Variants in COL6A5 observed in about 807,000 individuals in gnomAD.
The protein encoded by COL6A5 is collagen type VI alpha 5 chain.
Under a neutral mutation model 65.6 loss-of-function variants are expected in COL6A5, and 48 were observed. The ratio of observed to expected loss-of-function variants is 0.73; its 90% CI spans 0.58 to 0.93. The LOEUF is 0.93. Among genes scored for constraint, COL6A5 ranks in the 40% least tolerant of loss-of-function variants. The probability of loss-of-function intolerance (pLI) is 0.00; values close to 1 mark genes in which losing one functional copy is unlikely to be tolerated. For missense variants in COL6A5, 914 were observed against 928.3 expected, an observed-to-expected ratio of 0.98 and a Z score of 0.20; for synonymous variants, 291 against 322.8, an observed-to-expected ratio of 0.90 and a Z score of 1.05.
At position 130,450,363 on chromosome 3, in the gene COL6A5, G is replaced by A. The variant is rs369011483; in HGVS notation, c.1333-5092G>A. Among the ~76,000 whole-genome samples the A allele has an allele frequency of 5.5e-4, 84 of 152,292 alleles. 1 individual carries two copies. The South Asian group carries it at 0.017, about 30-fold the overall frequency. ...GTAGGAGCAGCATTTGGCCATGTGT[G>A]TTGAGCCGGCTTGGCCGCTTGTAAG... On this transcript the variant is annotated intron_variant, in intron 4 of 7. Transcript: ENST00000512836.
Position 130,477,153 on chromosome 3 carries a change from A to G in COL6A5, c.2328+6186A>G. The G allele has an allele frequency of 2.6e-6, 3 of 1,167,586 alleles. No homozygotes were observed. In the South Asian group the frequency reaches 4.0e-5, roughly 16 times the overall value. The allele number at this position is 1,167,586 out of a possible 1,614,324, so 72.3% of individuals were successfully genotyped here. On this transcript the variant is annotated intron_variant, in intron 7 of 7. Coordinates refer to ENST00000512836, the Ensembl canonical transcript of COL6A5. ...TGTTTATAGAACGTAAGTTTACCTTAAAGTTAGGCCATGAAACAGAAATAA... is the reference window on the plus strand; with the variant it reads ...TGTTTATAGAACGTAAGTTTACCTTGAAGTTAGGCCATGAAACAGAAATAA...
chr3:130,350,773 C>G (rs1436608961), intron 1 of COL6A5, among the ~76,000 whole-genome samples: 1 of 152,178 alleles, frequency 6.6e-6, no homozygotes, highest in Non-Finnish European at 1.5e-5. Flanking sequence ...CCCCATCAAG[C>G]TACCAATGAC....
At chr3:130,421,325 G>T (rs771052007) in exon 27 of COL6A5, 9 of 1,550,636 alleles carry the variant, frequency 5.8e-6, no homozygotes, top group Non-Finnish European at 7.9e-6. Flanking sequence ...AAAATTATAG[G>T]GCCCAAGAGG....
At chr3:130,470,846 A>T in intron 6 of COL6A5, 25 bp from the exon 39 acceptor site, 1 of 1,560,412 alleles carries the variant, frequency 6.4e-7, no homozygotes. Flanking sequence ...TAAAATTTAG[A>T]CTAACCAGCC....
At chr3:130,418,567 G>A (rs1345285436) in intron 24 of COL6A5, among the ~76,000 whole-genome samples, 1 of 152,074 alleles carries the variant, frequency 6.6e-6, no homozygotes. Flanking sequence ...AGTAATTGTT[G>A]GATAGGCAAA....
chr3:130,406,403 AG>A, intron 17 of COL6A5, 82 bp downstream of exon 17: 2 of 1,103,628 alleles, frequency 1.8e-6, no homozygotes, highest in Non-Finnish European at 2.7e-6. Flanking sequence ...CAGTGGTTAT[AG>A]GGGATAAAAT....
chr3:130,390,528 T>A (rs1443532760), intron 6 of COL6A5, among the ~76,000 whole-genome samples: 1 of 152,080 alleles, frequency 6.6e-6, no homozygotes, highest in East Asian at 1.9e-4. Context: ...GCCAAAACAG[T>A]CATTTGTCTT....
At chr3:130,426,673 A>G (rs1285726172), upstream of COL6A5, among the ~76,000 whole-genome samples, 1 of 152,154 alleles carries the variant, frequency 6.6e-6, no homozygotes, top group Non-Finnish European at 1.5e-5. Flanking sequence ...CCAAAAGATG[A>G]GTGAATTAAC....
At chr3:130,410,502 G>T in exon 20 of COL6A5, 1 of 1,550,976 alleles carries the variant, frequency 6.4e-7, no homozygotes, top group Non-Finnish European at 8.7e-7. Flanking sequence ...GTGCAAGGCA[G>T]TCCTAGTTCC....
chr3:130,395,284 C>A, exon 8 of COL6A5: 1 of 1,551,512 alleles, frequency 6.4e-7, no homozygotes, highest in Non-Finnish European at 8.7e-7. Flanking sequence ...CAGTAAAAAC[C>A]CTGAAGGACC....
Position 130,406,449 on chromosome 3 carries a change from T to C in COL6A5, c.4479+128T>C, listed in dbSNP as rs1936997397. On this transcript the variant is annotated intron_variant and NMD_transcript_variant, in intron 17 of 41. Coordinates refer to the COL6A5 transcript ENST00000312481. ...ACTTAACCACATAATGAAGGCCTAT[T>C]GCTACTGAATGTATGCTGCATATCT... is the stretch of plus-strand genomic sequence containing the variant. 7.3e-6 allele frequency: 5 copies of C among 687,382 alleles called. No homozygotes were observed. In the Admixed American group the frequency reaches 1.3e-4, roughly 18 times the overall value. 42.6% of individuals were successfully genotyped at this position (687,382 alleles called of 1,614,324 possible).
At position 130,401,030 on chromosome 3, in the gene COL6A5, G is replaced by A. The variant is rs781027655; in HGVS notation, c.3992-1G>A. ...TTTATATTGTGGTTTTTACCACATAGGACTTGATGCTCTGCTGGTAGTGTC... is the reference window on the plus strand; with the variant it reads ...TTTATATTGTGGTTTTTACCACATAAGACTTGATGCTCTGCTGGTAGTGTC... On this transcript the variant is annotated splice_acceptor_variant and NMD_transcript_variant, in intron 10 of 41. Transcript: ENST00000312481. 11 of 1,541,614 alleles carry A rather than the reference G, an allele frequency of 7.1e-6. No individual in the cohort carries two copies. The highest frequency in any genetic ancestry group is 1.4e-5 in the African/African-American group (1 of 72,492).
At position 130,397,659 on chromosome 3, in the gene COL6A5, C is replaced by G. The variant is rs749553388; in HGVS notation, c.3645C>G (p.Pro1215=). ...GGCAGCCTTTGTTCCAGGGCCACCC[C>G]CAGCTGGAATCCTACCTCCCAGGCA... The change falls in exon 9 of 42, where the codon CCC becomes CCG. Residue 1215 remains proline, a synonymous_variant and NMD_transcript_variant. Coordinates refer to the COL6A5 transcript ENST00000312481. 40 of 1,550,438 alleles carry G rather than the reference C, an allele frequency of 2.6e-5. No homozygotes were observed. The African/African-American group carries it at 2.9e-4, about 11-fold the overall frequency.
intron 1 of COL6A5, among the ~76,000 whole-genome samples, chr3:130,358,751 C>A (rs1935009911): frequency 6.6e-6 from 1 of 151,956 alleles, no homozygotes; most frequent in Non-Finnish European, 1.5e-5. Context: ...TTTGGCATAC[C>A]TTTTTGCTGC....
chr3:130,395,710 A>C (rs1368860502), intron 8 of COL6A5, among the ~76,000 whole-genome samples: 3 of 152,198 alleles, frequency 2.0e-5, no homozygotes, highest in Admixed American at 6.5e-5. Context: ...TCCTCTGGTC[A>C]GCCCTGTTCC....
At chr3:130,431,581 A>T (rs953003522) in exon 1 of COL6A5, 1 of 1,551,626 alleles carries the variant, frequency 6.4e-7, no homozygotes, top group Admixed American at 2.0e-5. Flanking sequence ...CAATGACCTT[A>T]ACATCAGGGA....
Position 130,348,369 on chromosome 3 carries a change from C to T in COL6A5, c.-29+2388C>T, listed in dbSNP as rs139617141. 9.9e-3 allele frequency among the ~76,000 whole-genome samples: 1,512 copies of T among 152,208 alleles called. 17 individuals are homozygous for T. The highest frequency in any genetic ancestry group is 0.079 in the South Asian group (383 of 4,818). ...ACTCCCACTTATGAGTGACAACATG[C>T]GGTGTTTGGTTTTCTGTTCTTGTGT... On this transcript the variant is annotated intron_variant and NMD_transcript_variant, in intron 1 of 41. Transcript: ENST00000312481.
At chr3:130,352,181 T>C (rs9811896) in intron 1 of COL6A5, among the ~76,000 whole-genome samples, 78,784 of 151,868 alleles carry the variant, frequency 0.52, 23,169 homozygotes, top group Non-Finnish European at 0.66. Context: ...GGGGGAGGGA[T>C]AGCATTAGGA....
At chr3:130,472,229 C>G (rs1709970231) in intron 7 of COL6A5, among the ~76,000 whole-genome samples, 2 of 152,052 alleles carry the variant, frequency 1.3e-5, no homozygotes, top group African/African-American at 4.8e-5. Context: ...GTCCTGCATC[C>G]TTGTGCAAAA....
Sources: allele counts gnomAD v4.1 joint callset (sites outside exome capture counted in the v4.1 genomes callset), GRCh38; gene constraint gnomAD v4.1.1; transcripts MANE v1.5; gene names NCBI Gene and HGNC (gene_info 2026-07-23, HGNC 2026-07-21).